Variants in CDC40 observed in about 807,000 individuals in gnomAD.
CDC40 encodes the protein pre-mRNA-processing factor 17.
In CDC40, 27 loss-of-function variants were observed where a neutral mutation model predicts 80.6. That is an observed-to-expected ratio of 0.33 (90% CI 0.25 to 0.46). The LOEUF is 0.46. Ranked by LOEUF, CDC40 falls within the 20% of genes least tolerant of loss-of-function variation. CDC40 has a pLI of 1.00. For missense variants in CDC40, 486 were observed against 694.1 expected, an observed-to-expected ratio of 0.70 and a Z score of 3.37; for synonymous variants, 221 against 232.6, an observed-to-expected ratio of 0.95 and a Z score of 0.45.
chr6:110,203,569 T>C (rs1777520060), intron 3 of CDC40, among the ~76,000 whole-genome samples: 2 of 152,316 alleles, frequency 1.3e-5, no homozygotes, highest in African/African-American at 4.8e-5. Context: ...ATACAAATAT[T>C]TATTTTAATT....
At position 110,227,649 on chromosome 6, in the gene CDC40, C is replaced by T. The variant is rs532096550; in HGVS notation, c.1418-1183C>T. ...ACCATATCCTGGGATTCAACCAGCA[C>T]GAATCCAGAATATTCAACAAAATAA... On this transcript the variant is annotated intron_variant, in intron 13 of 14. Transcript: ENST00000307731. 3.3e-5 allele frequency among the ~76,000 whole-genome samples: 5 copies of T among 152,054 alleles called. No homozygotes were observed. In the South Asian group the frequency reaches 6.2e-4, roughly 19 times the overall value.
chr6:110,199,230 G>A (rs1777458341), intron 2 of CDC40, among the ~76,000 whole-genome samples: 1 of 152,144 alleles, frequency 6.6e-6, no homozygotes. Flanking sequence ...ATTATACATA[G>A]CCTTAATATA....
intron 1 of CDC40, among the ~76,000 whole-genome samples, chr6:110,187,209 A>G (rs559271274): frequency 6.6e-6 from 1 of 152,298 alleles, no homozygotes; most frequent in Non-Finnish European, 1.5e-5. Flanking sequence ...TTTACATGCA[A>G]CATTGTAAGG....
intron 10 of CDC40, among the ~76,000 whole-genome samples, chr6:110,218,846 A>G (rs1452322184): frequency 6.7e-6 from 1 of 149,094 alleles, no homozygotes; most frequent in Non-Finnish European, 1.5e-5. Context: ...TTTTTGGTAA[A>G]CATATCTATG....
Position 110,217,847 on chromosome 6 carries a change from T to C in CDC40, c.1090+44T>C, listed in dbSNP as rs1205018602. 4 of 999,462 alleles carry C rather than the reference T, an allele frequency of 4.0e-6. No homozygotes were observed. In the African/African-American group the frequency reaches 4.8e-5, roughly 12 times the overall value. The allele number at this position is 999,462 out of a possible 1,614,324, so 61.9% of individuals were successfully genotyped here. ...TAATACACATTCATCTTACAAGTTA[T>C]TTATATTTGAAATGGTGTGAGTAGT... On this transcript the variant is annotated intron_variant, in intron 10 of 14. Coordinates refer to ENST00000307731, the MANE Select transcript of CDC40 (RefSeq NM_015891.3).
rs558035682 is a variant in CDC40, at chr6:110,224,987, G to T, written c.1341-1180G>T. Among the ~76,000 whole-genome samples, 37 of 152,048 alleles carry T rather than the reference G, an allele frequency of 2.4e-4. 1 individual carries two copies. The highest frequency in any genetic ancestry group is 8.9e-4 in the African/African-American group (37 of 41,388). The stretch of plus-strand genomic sequence containing the variant: ...ATTTGCAGCTCTTTTTAATACTTTT[G>T]GTTCATTATAAATGTCAGTTCTCAT... On this transcript the variant is annotated intron_variant, in intron 12 of 14. Transcript: ENST00000307731.
chr6:110,199,011 C>A (rs1424912586), intron 2 of CDC40: 1 of 152,140 alleles, frequency 6.6e-6, no homozygotes, highest in African/African-American at 2.4e-5. Context: ...TCGCTGCCTT[C>A]CTCTGTTAAT....
chr6:110,194,575 T>C (rs1423541968), intron 2 of CDC40, among the ~76,000 whole-genome samples: 1 of 152,220 alleles, frequency 6.6e-6, no homozygotes, highest in Non-Finnish European at 1.5e-5. Flanking sequence ...ACGGCACATT[T>C]TAATTTTTAT....
At chr6:110,181,071 T>C (rs77876717) in intron 1 of CDC40, among the ~76,000 whole-genome samples, 11,079 of 152,296 alleles carry the variant, frequency 0.073, 545 homozygotes, top group African/African-American at 0.14. Flanking sequence ...GCAGCCTCCT[T>C]TCTTTCCTCA....
intron 13 of CDC40, 46 bp downstream of exon 13, chr6:110,226,289 C>G: frequency 8.3e-7 from 1 of 1,203,740 alleles, no homozygotes; most frequent in Non-Finnish European, 1.2e-6. Context: ...TTCTAAGATA[C>G]AGTGTGATTT....
intron 1 of CDC40, among the ~76,000 whole-genome samples, chr6:110,183,024 C>T (rs1175160055): frequency 6.6e-6 from 1 of 152,172 alleles, no homozygotes; most frequent in Non-Finnish European, 1.5e-5. Flanking sequence ...GCCCTGAAAG[C>T]CGAATTTTCT....
At chr6:110,185,484 C>T (rs1777256881) in intron 1 of CDC40, among the ~76,000 whole-genome samples, 2 of 151,852 alleles carry the variant, frequency 1.3e-5, no homozygotes, top group South Asian at 2.1e-4. Flanking sequence ...CCTCGTGATC[C>T]GCCCGCCTCG....
intron 9 of CDC40, among the ~76,000 whole-genome samples, chr6:110,216,043 A>G (rs1777695827): frequency 6.6e-6 from 1 of 152,182 alleles, no homozygotes. Context: ...GATACACCAA[A>G]TTTGAGCTGC....
chr6:110,225,316 C>T lies in CDC40; in HGVS notation c.1341-851C>T, dbSNP rs186672665. ...TCTGGTCTCATGAAAAGCAACAAGA[C>T]GAAAACTCCTTTCAGAAAAGAATTT... On this transcript the variant is annotated intron_variant, in intron 12 of 14. Coordinates refer to ENST00000307731, the MANE Select transcript of CDC40 (RefSeq NM_015891.3). Among the ~76,000 whole-genome samples the T allele has an allele frequency of 1.5e-3, 222 of 152,144 alleles. No individual in the cohort carries two copies. The East Asian group carries it at 0.015, about 10-fold the overall frequency.
intron 1 of CDC40, among the ~76,000 whole-genome samples, chr6:110,185,471 T>TGACCTCGTGATCCGCC (rs1301095896): frequency 3.9e-5 from 6 of 151,976 alleles, no homozygotes; most frequent in African/African-American, 1.5e-4. Context: ...CTCGATCTCC[T>TGACCTCGTGATCCGCC]GACCTCGTGA....
chr6:110,215,250 G>C, intron 8 of CDC40, 36 bp from the exon 9 acceptor site: 1 of 1,571,324 alleles, frequency 6.4e-7, no homozygotes, highest in Non-Finnish European at 8.8e-7. Flanking sequence ...TTTATTAAAT[G>C]TAATATTTCC....
Position 110,212,994 on chromosome 6 carries a change from A to G in CDC40, c.868-92A>G. ...TTGGAATGAAGAAAAATAGCAAATT[A>G]GGCTGCTTAATATATACTGTCTTTT... On this transcript the variant is annotated intron_variant, in intron 7 of 14. Transcript: ENST00000307731. 4 of 881,884 alleles carry G rather than the reference A, an allele frequency of 4.5e-6. No individual in the cohort carries two copies. In the South Asian group the frequency reaches 5.4e-5, roughly 12 times the overall value. The allele number at this position is 881,884 out of a possible 1,614,324, so 54.6% of individuals were successfully genotyped here. A position where few individuals can be genotyped will look rare whatever the true frequency, so the allele number is the denominator to read the frequency against.
At chr6:110,191,205 T>C (rs1171587579) in intron 1 of CDC40, among the ~76,000 whole-genome samples, 11 of 152,206 alleles carry the variant, frequency 7.2e-5, no homozygotes, top group Admixed American at 6.5e-4. Flanking sequence ...ATTTTTCTTG[T>C]TGGTTTTTTA....
At chr6:110,216,488 T>C (rs1427362877) in intron 9 of CDC40, among the ~76,000 whole-genome samples, 1 of 152,200 alleles carries the variant, frequency 6.6e-6, no homozygotes, top group East Asian at 1.9e-4. Flanking sequence ...CTCCATCAGA[T>C]AGAGTGGATT....
Sources: allele counts gnomAD v4.1 joint callset (sites outside exome capture counted in the v4.1 genomes callset), GRCh38; gene constraint gnomAD v4.1.1; transcripts MANE v1.5; gene names NCBI Gene and HGNC (gene_info 2026-07-23, HGNC 2026-07-21).